The following FBXO11 variants were observed in gnomAD, a reference collection of about 807,000 sequenced individuals.
FBXO11 encodes F-box protein 11, also known as F-box only protein 11.
FBXO11 carries 13 observed loss-of-function variants against 117.0 expected under a neutral mutation model. The observed-to-expected ratio is 0.11, with a 90% CI of 0.07 to 0.18. FBXO11 has a LOEUF of 0.18. Among genes scored for constraint, FBXO11 ranks in the 10% least tolerant of loss-of-function variants. FBXO11 has a pLI of 1.00. For synonymous variants in FBXO11, 490 were observed against 380.5 expected, an observed-to-expected ratio of 1.29 and a Z score of -3.35; for missense variants, 767 against 1,164.4, an observed-to-expected ratio of 0.66 and a Z score of 4.97.
intron 11 of FBXO11, among the ~76,000 whole-genome samples, chr2:47,826,077 G>T (rs1409554880): frequency 6.6e-6 from 1 of 151,606 alleles, no homozygotes; most frequent in African/African-American, 2.4e-5. Flanking sequence ...GGTTTTTTTT[G>T]AGACGGAGTC....
rs1196547016 is a variant in FBXO11 at position 47,808,264 on chromosome 2, C to T, written c.2655-17G>A. On this transcript the variant is annotated splice_polypyrimidine_tract_variant and intron_variant, in intron 22 of 22. Coordinates refer to ENST00000403359, the MANE Select transcript of FBXO11 (RefSeq NM_001190274.2). Reference sequence around the variant, plus strand: ...CAGAAAAACCTAAAGCAAAATGAAACCCAAATATTAGAAAAGTGAGGGGGA... The same window carrying T: ...CAGAAAAACCTAAAGCAAAATGAAATCCAAATATTAGAAAAGTGAGGGGGA... 6.2e-7 allele frequency: 1 copy of T among 1,612,486 alleles called. No individual in the cohort carries two copies. The highest frequency in any genetic ancestry group is 8.5e-7 in the Non-Finnish European group (1 of 1,179,634).
At chr2:47,810,536 T>A in intron 18 of FBXO11, 110 bp from the exon 19 acceptor site, 1 of 597,732 alleles carries the variant, frequency 1.7e-6, no homozygotes, top group Non-Finnish European at 2.8e-6. Context: ...CATGGTAAAA[T>A]TCACAGGACT....
At chr2:47,872,270 G>GCAGT (rs949679193) in intron 1 of FBXO11, among the ~76,000 whole-genome samples, 2 of 152,280 alleles carry the variant, frequency 1.3e-5, no homozygotes, top group South Asian at 2.1e-4. Context: ...GGAATTCCTG[G>GCAGT]CAGTCATCAA....
In FBXO11 at chr2:47,847,548, A is replaced by C. The variant is rs1673513310; in HGVS notation, c.233-7779T>G. Among the ~76,000 whole-genome samples the C allele has an allele frequency of 2.0e-5, 3 of 152,006 alleles. No individual in the cohort carries two copies. The South Asian group carries it at 6.2e-4, about 32-fold the overall frequency. On this transcript the variant is annotated intron_variant, in intron 1 of 22. Transcript: ENST00000403359. The stretch of plus-strand genomic sequence containing the variant: ...ACATGGTGAAACTCTGTCTCTACCA[A>C]AAATACAAAAATTAGCAAGGCATGG...
At chr2:47,839,394 T>A (rs915625036) in intron 3 of FBXO11, 25 bp downstream of exon 3, 5 of 1,589,366 alleles carry the variant, frequency 3.1e-6, no homozygotes, top group African/African-American at 2.7e-5. Flanking sequence ...TTTTACCCTA[T>A]TTGTTACTTT....
intron 11 of FBXO11, among the ~76,000 whole-genome samples, chr2:47,830,987 CAG>C (rs1161439031): frequency 6.6e-6 from 1 of 152,020 alleles, no homozygotes; most frequent in Non-Finnish European, 1.5e-5. Flanking sequence ...TTTGTAGAGA[CAG>C]AGTTTCACCA....
chr2:47,866,404 T>C (rs1675199879), intron 1 of FBXO11, among the ~76,000 whole-genome samples: 1 of 152,014 alleles, frequency 6.6e-6, no homozygotes, highest in South Asian at 2.1e-4. Context: ...TATCTAAAAG[T>C]TCTTCCAGCA....
chr2:47,846,111 C>T (rs777013081), intron 1 of FBXO11, among the ~76,000 whole-genome samples: 8 of 152,148 alleles, frequency 5.3e-5, no homozygotes, highest in Admixed American at 5.2e-4. Flanking sequence ...GGCTCCAACC[C>T]AAGAAACACG....
intron 1 of FBXO11, among the ~76,000 whole-genome samples, chr2:47,847,360 G>T (rs1023524750): frequency 6.6e-6 from 1 of 152,214 alleles, no homozygotes; most frequent in African/African-American, 2.4e-5. Flanking sequence ...GTAGACAATT[G>T]TAACACAATG....
intron 7 of FBXO11, 88 bp from the exon 8 acceptor site, chr2:47,833,158 T>G (rs1038796741): frequency 7.9e-6 from 6 of 762,142 alleles, no homozygotes; most frequent in African/African-American, 5.2e-5. Flanking sequence ...CTAAAAACAT[T>G]AGTACTGAGT....
At chr2:47,828,250 G>A (rs1369334392) in intron 11 of FBXO11, among the ~76,000 whole-genome samples, 1 of 152,148 alleles carries the variant, frequency 6.6e-6, no homozygotes, top group Non-Finnish European at 1.5e-5. Flanking sequence ...CGAAGTGCTG[G>A]GATTACAGGT....
At chr2:47,859,887 C>T (rs1000147911) in intron 1 of FBXO11, among the ~76,000 whole-genome samples, 20 of 152,068 alleles carry the variant, frequency 1.3e-4, no homozygotes, top group African/African-American at 4.8e-4. Context: ...TTTATCAGTA[C>T]CAAGCTATTT....
chr2:47,901,488 A>C (rs1356153390), intron 1 of FBXO11, among the ~76,000 whole-genome samples: 1 of 152,124 alleles, frequency 6.6e-6, no homozygotes, highest in South Asian at 2.1e-4. Context: ...AACTAATAAC[A>C]GTTATTAGAT....
intron 1 of FBXO11, among the ~76,000 whole-genome samples, chr2:47,850,677 A>G (rs922722106): frequency 6.6e-6 from 1 of 152,228 alleles, no homozygotes; most frequent in African/African-American, 2.4e-5. Flanking sequence ...AGAATTGACC[A>G]AAGTTCATAA....
In FBXO11 at chr2:47,807,019, G is replaced by T; in HGVS notation, c.*1099C>A. On this transcript the variant is annotated 3_prime_UTR_variant, in exon 23 of 23. Coordinates refer to ENST00000403359, the MANE Select transcript of FBXO11 (RefSeq NM_001190274.2). Reference sequence around the variant, plus strand: ...ATTCTTATCTACCTTCTACATAATGGTTATTGAATACTCCACAATATATTA... The same window carrying T: ...ATTCTTATCTACCTTCTACATAATGTTTATTGAATACTCCACAATATATTA... The T allele has an allele frequency of 1.5e-6, 1 of 655,040 alleles. No homozygotes were observed. 40.6% of individuals were successfully genotyped at this position (655,040 alleles called of 1,614,324 possible).
chr2:47,824,988 G>A (rs1671642583), intron 11 of FBXO11, among the ~76,000 whole-genome samples: 1 of 151,870 alleles, frequency 6.6e-6, no homozygotes, highest in South Asian at 2.1e-4. Flanking sequence ...ATTTATATAT[G>A]TCCATTTCTA....
rs117025985 is a variant in FBXO11 at position 47,876,991 on chromosome 2, T to C, written c.232+28498A>G. 3.1e-4 allele frequency among the ~76,000 whole-genome samples: 47 copies of C among 152,286 alleles called. No individual in the cohort carries two copies. In the East Asian group the frequency reaches 8.3e-3, roughly 27 times the overall value. On this transcript the variant is annotated intron_variant, in intron 1 of 22. Transcript: ENST00000403359. ...TACTATTTTCCAAATCACTGTTTCA[T>C]TGACCATGTTCAGTCTAGTACACAT...
chr2:47,898,862 G>A (rs1374660402), intron 1 of FBXO11, among the ~76,000 whole-genome samples: 3 of 152,018 alleles, frequency 2.0e-5, no homozygotes, highest in Non-Finnish European at 4.4e-5. Context: ...AGAAAGATTA[G>A]GTGATATAAA....
intron 11 of FBXO11, among the ~76,000 whole-genome samples, chr2:47,829,323 C>G (rs1037889079): frequency 4.6e-5 from 7 of 152,148 alleles, no homozygotes; most frequent in Non-Finnish European, 7.3e-5. Context: ...TCACTGCAAC[C>G]TCTGCCTCCT....
Sources: allele counts gnomAD v4.1 joint callset (sites outside exome capture counted in the v4.1 genomes callset), GRCh38; gene constraint gnomAD v4.1.1; transcripts MANE v1.5; gene names NCBI Gene and HGNC (gene_info 2026-07-23, HGNC 2026-07-21).